Variants in DNAH8 observed in about 807,000 individuals in gnomAD.
The protein encoded by DNAH8 is axonemal beta dynein heavy chain 8.
A neutral mutation model predicts 562.1 loss-of-function variants in DNAH8; 382 were observed. The ratio of observed to expected loss-of-function variants is 0.68; its 90% CI spans 0.63 to 0.74. The LOEUF is 0.74. DNAH8 is among the 30% of genes least tolerant of loss of function. The pLI, the probability that DNAH8 is intolerant of heterozygous loss-of-function variation, is 0.00. For synonymous variants in DNAH8, 1,881 were observed against 1,919.4 expected (o/e 0.98, Z 0.52); for missense variants, 5,203 against 5,620.4 (o/e 0.93, Z 2.37).
At chr6:38,894,655 T>G (rs1326146861) in intron 58 of DNAH8, 46 bp from the exon 59 acceptor site, 2 of 1,466,266 alleles carry the variant, frequency 1.4e-6, no homozygotes, top group South Asian at 1.2e-5. Context: ...CTACTTTTAG[T>G]TGTATCTGAA....
At chr6:38,901,201 A>G (rs901386648) in intron 62 of DNAH8, among the ~76,000 whole-genome samples, 8 of 151,836 alleles carry the variant, frequency 5.3e-5, no homozygotes, top group African/African-American at 7.3e-5. Context: ...TTTTAATGAA[A>G]CATTCATTTT....
chr6:38,926,228 C>T lies in DNAH8; in HGVS notation c.11118+18C>T. ...ATTTACAGGTATGTAGCATTTGGTG[C>T]AGGGGAAAGTAATCTTGAAATCATG... On this transcript the variant is annotated intron_variant, in intron 74 of 92. Transcript: ENST00000327475. 6.2e-7 allele frequency: 1 copy of T among 1,607,582 alleles called. No individual in the cohort carries two copies. The highest frequency in any genetic ancestry group is 8.5e-7 in the Non-Finnish European group (1 of 1,176,698).
At chr6:38,909,417 ATCTGTGATG>A (rs1295643282) in intron 64 of DNAH8, 92 bp from the exon 65 acceptor site, 1 of 1,032,044 alleles carries the variant, frequency 9.7e-7, no homozygotes, top group East Asian at 2.4e-5. Flanking sequence ...TCATTTTCAA[ATCTGTGATG>A]TCACACTCTT....
chr6:39,022,612 G>A (rs541218545), intron 91 of DNAH8, among the ~76,000 whole-genome samples: 1 of 152,222 alleles, frequency 6.6e-6, no homozygotes, highest in Admixed American at 6.5e-5. Flanking sequence ...CCCACCTGGG[G>A]GTGCCCTGCT....
At chr6:39,004,145 G>A (rs1765655158) in intron 88 of DNAH8, among the ~76,000 whole-genome samples, 1 of 152,196 alleles carries the variant, frequency 6.6e-6, no homozygotes, top group African/African-American at 2.4e-5. Context: ...GGAAGCTGAA[G>A]TAGGAGAATT....
intron 18 of DNAH8, among the ~76,000 whole-genome samples, chr6:38,787,304 G>T (rs190096173): frequency 1.2e-3 from 175 of 152,134 alleles, no homozygotes; most frequent in Non-Finnish European, 1.7e-3. Context: ...ATAAAGTGGG[G>T]TGACTATACA....
In DNAH8 at chr6:38,973,823, T is replaced by C. The variant is rs1312438066; in HGVS notation, c.12678+10T>C. On this transcript the variant is annotated intron_variant, in intron 84 of 92. Transcript: ENST00000327475. Reference sequence around the variant, plus strand: ...AATTACATTGCTTCAGGTTTGTTACTAAACGTCTTTTCATCGAGAGTCATA... The same window carrying C: ...AATTACATTGCTTCAGGTTTGTTACCAAACGTCTTTTCATCGAGAGTCATA... The C allele has an allele frequency of 6.3e-7, 1 of 1,586,450 alleles. No individual in the cohort carries two copies.
At chr6:38,987,218 G>C (rs1001250756) in intron 87 of DNAH8, among the ~76,000 whole-genome samples, 1 of 152,214 alleles carries the variant, frequency 6.6e-6, no homozygotes. Flanking sequence ...CACGGAGGGG[G>C]AGGAAGAAGT....
intron 91 of DNAH8, among the ~76,000 whole-genome samples, chr6:39,018,682 C>T (rs145346669): frequency 6.6e-6 from 1 of 152,334 alleles, no homozygotes; most frequent in East Asian, 1.9e-4. Context: ...TGTGCACCAT[C>T]CTCCAGGTCA....
At chr6:38,993,826 A>G (rs564444416) in intron 88 of DNAH8, among the ~76,000 whole-genome samples, 1 of 152,190 alleles carries the variant, frequency 6.6e-6, no homozygotes, top group East Asian at 1.9e-4. Context: ...CCATTTGCCT[A>G]TGTATGGGCA....
At chr6:38,915,849 CACATACACACACACACACAT>C (rs1561857318) in intron 68 of DNAH8, among the ~76,000 whole-genome samples, 2 of 101,390 alleles carry the variant, frequency 2.0e-5, no homozygotes, top group Non-Finnish European at 4.7e-5. Flanking sequence ...CACACACACA[CACATACACACACACACACAT>C]ACATACACAT....
At position 38,761,732 on chromosome 6, in the gene DNAH8, G is replaced by A. The variant is rs189725873; in HGVS notation, c.1546G>A (p.Ala516Thr). 7 of 1,553,530 alleles carry A rather than the reference G, an allele frequency of 4.5e-6. 1 individual carries two copies. The highest frequency in any genetic ancestry group is 4.1e-5 in the Admixed American group (2 of 48,434). ...VTNQMVTACKAYITDGGLNHV... is the reference protein window; with the variant it reads ...VTNQMVTACKTYITDGGLNHV... ...AAATCAAATGGTAACAGCATGTAAAGCATATATTACTGATGGAGGATTAAA... is the reference window on the plus strand; with the variant it reads ...AAATCAAATGGTAACAGCATGTAAAACATATATTACTGATGGAGGATTAAA... Residue 516 changes from alanine to threonine, a missense_variant, in exon 11 of 93, where the codon GCA (alanine) becomes ACA (threonine). Ala to Thr is a moderately conservative substitution (Grantham distance 58). Coordinates refer to ENST00000327475, the MANE Select transcript of DNAH8 (RefSeq NM_001206927.2).
chr6:39,011,749 A>G (rs1388002183), intron 89 of DNAH8, among the ~76,000 whole-genome samples: 1 of 152,238 alleles, frequency 6.6e-6, no homozygotes, highest in Admixed American at 6.5e-5. Context: ...TGATCTTTGG[A>G]AACTATAGCT....
intron 71 of DNAH8, 88 bp downstream of exon 71, chr6:38,921,594 T>G: frequency 4.2e-6 from 6 of 1,435,874 alleles, no homozygotes; most frequent in Non-Finnish European, 4.7e-6. Flanking sequence ...CAAATGGTTG[T>G]GATGAAAAAA....
intron 26 of DNAH8, 110 bp downstream of exon 26, chr6:38,815,767 T>A: frequency 9.3e-7 from 1 of 1,073,114 alleles, no homozygotes; most frequent in Non-Finnish European, 1.3e-6. Context: ...TAAAAAATAG[T>A]ATGTTTCATC....
chr6:39,020,564 G>A (rs958254854), intron 91 of DNAH8, among the ~76,000 whole-genome samples: 3 of 152,036 alleles, frequency 2.0e-5, no homozygotes, highest in Non-Finnish European at 4.4e-5. Context: ...TGTGCAGAAC[G>A]TGCAGGTTTG....
At position 38,775,895 on chromosome 6, in the gene DNAH8, A is replaced by G; in HGVS notation, c.1906A>G (p.Arg636Gly). 11 of 1,613,232 alleles carry G rather than the reference A, an allele frequency of 6.8e-6. No homozygotes were observed. Among genetic ancestry groups the G allele is most frequent in the Non-Finnish European group, 9.3e-6 (11 of 1,179,368 alleles). Reference sequence around the variant, plus strand: ...GCAATATGACATTCTGGATCCAAGAAGGACAGAATTTGACACAGATTTCTT... The same window carrying G: ...GCAATATGACATTCTGGATCCAAGAGGGACAGAATTTGACACAGATTTCTT... ...KKQYDILDPR[R>G]TEFDTDFLDF... Residue 636 changes from arginine (R) to glycine (G), a missense_variant, in exon 13 of 93, where the codon AGG (arginine) becomes GGG (glycine). By Grantham distance (125) the Arg-to-Gly change is moderately radical. Transcript: ENST00000327475.
intron 32 of DNAH8, 59 bp from the exon 33 acceptor site, chr6:38,837,883 C>T (rs1309107753): frequency 4.2e-6 from 5 of 1,186,588 alleles, no homozygotes; most frequent in Non-Finnish European, 4.9e-6. Context: ...AAAATAAATT[C>T]CACTTTAATT....
chr6:38,716,411 C>G (rs77503960), intron 1 of DNAH8: 5,830 of 152,330 alleles, frequency 0.038, 208 homozygotes, highest in East Asian at 0.19. Context: ...AGTTGTGCCT[C>G]TTTTTGCTTC....
Sources: allele counts gnomAD v4.1 joint callset (sites outside exome capture counted in the v4.1 genomes callset), GRCh38; gene constraint gnomAD v4.1.1; transcripts MANE v1.5; gene names NCBI Gene and HGNC (gene_info 2026-07-23, HGNC 2026-07-21).